Variants in FOXP2 observed in about 807,000 individuals in gnomAD.
The protein encoded by FOXP2 is forkhead box protein P2.
A neutral mutation model predicts 115.8 loss-of-function variants in FOXP2; 12 were observed. The observed-to-expected ratio is 0.10, with a 90% CI of 0.07 to 0.17. FOXP2 has a LOEUF of 0.17. FOXP2 is among the 10% of genes least tolerant of loss of function. The pLI is 1.00. For missense variants in FOXP2, 629 were observed against 843.5 expected (o/e 0.75, Z 3.15); for synonymous variants, 328 against 297.7 (o/e 1.10, Z -1.05).
At chr7:114,607,877 A>G (rs1011047610) in intron 3 of FOXP2, among the ~76,000 whole-genome samples, 2 of 152,192 alleles carry the variant, frequency 1.3e-5, no homozygotes, top group African/African-American at 2.4e-5. Context: ...GAAGGAGATT[A>G]TATCTTAATA....
intron 1 of FOXP2, among the ~76,000 whole-genome samples, chr7:114,207,346 T>C (rs1394360445): frequency 6.6e-6 from 1 of 152,236 alleles, no homozygotes; most frequent in Non-Finnish European, 1.5e-5. Flanking sequence ...GTGTAACATT[T>C]TGAGAAATGG....
At chr7:114,311,571 T>G (rs374360613) in intron 2 of FOXP2, among the ~76,000 whole-genome samples, 1 of 152,142 alleles carries the variant, frequency 6.6e-6, no homozygotes, top group East Asian at 1.9e-4. Context: ...TTAGTTATAT[T>G]CTGGTGCGTT....
chr7:114,134,351 T>C (rs1257403422), intron 1 of FOXP2, among the ~76,000 whole-genome samples: 1 of 152,164 alleles, frequency 6.6e-6, no homozygotes, highest in African/African-American at 2.4e-5. Flanking sequence ...CTGTTCTTAC[T>C]GAATTTTCAT....
intron 10 of FOXP2, among the ~76,000 whole-genome samples, chr7:114,657,805 C>G (rs1292386930): frequency 6.6e-6 from 1 of 152,150 alleles, no homozygotes; most frequent in Non-Finnish European, 1.5e-5. Context: ...AATAGACTTT[C>G]GCTGAAGTCT....
intron 16 of FOXP2, among the ~76,000 whole-genome samples, chr7:114,679,110 A>C (rs1585021737): frequency 6.6e-6 from 1 of 152,046 alleles, no homozygotes; most frequent in African/African-American, 2.4e-5. Flanking sequence ...GATCATAGGC[A>C]CCCGCCACCA....
At chr7:114,526,531 C>T (rs1262520977) in intron 2 of FOXP2, among the ~76,000 whole-genome samples, 1 of 151,014 alleles carries the variant, frequency 6.6e-6, no homozygotes, top group Admixed American at 6.6e-5. Flanking sequence ...AACTGTAACT[C>T]TCTTTTATTT....
chr7:114,376,756 A>G (rs1280169393), intron 2 of FOXP2, among the ~76,000 whole-genome samples: 1 of 152,212 alleles, frequency 6.6e-6, no homozygotes, highest in Non-Finnish European at 1.5e-5. Flanking sequence ...GGAGTTAGAG[A>G]TAACCTATTG....
At chr7:114,308,525 C>T (rs1418185773) in intron 2 of FOXP2, among the ~76,000 whole-genome samples, 3 of 152,040 alleles carry the variant, frequency 2.0e-5, no homozygotes, top group African/African-American at 7.2e-5. Flanking sequence ...GGCGATAAAC[C>T]CTTTTAAGGG....
At chr7:114,620,618 A>G (rs1183095314) in intron 3 of FOXP2, among the ~76,000 whole-genome samples, 1 of 152,106 alleles carries the variant, frequency 6.6e-6, no homozygotes, top group Non-Finnish European at 1.5e-5. Context: ...TCTTATGGAA[A>G]GTCAGTTATT....
intron 2 of FOXP2, among the ~76,000 whole-genome samples, chr7:114,509,275 T>C (rs1052906297): frequency 2.6e-5 from 4 of 151,120 alleles, no homozygotes; most frequent in African/African-American, 9.8e-5. Flanking sequence ...TTTTTGTTTG[T>C]TTGTTTTTTG....
intron 1 of FOXP2, among the ~76,000 whole-genome samples, chr7:114,135,738 T>C (rs1792020346): frequency 6.6e-6 from 1 of 152,106 alleles, no homozygotes; most frequent in Admixed American, 6.5e-5. Flanking sequence ...GTTTCTGATT[T>C]TGAAAAATTT....
At chr7:114,614,840 G>A (rs896740726) in intron 3 of FOXP2, among the ~76,000 whole-genome samples, 5 of 152,126 alleles carry the variant, frequency 3.3e-5, no homozygotes, top group African/African-American at 1.2e-4. Context: ...AAAGGACTTT[G>A]TGTTTTTCCC....
chr7:114,442,150 T>C (rs1794631433), intron 2 of FOXP2, among the ~76,000 whole-genome samples: 1 of 152,116 alleles, frequency 6.6e-6, no homozygotes, highest in South Asian at 2.1e-4. Flanking sequence ...TATTCAGGAA[T>C]AAAAAGGAAT....
At chr7:114,337,042 A>C (rs1226005732) in intron 2 of FOXP2, among the ~76,000 whole-genome samples, 1 of 151,572 alleles carries the variant, frequency 6.6e-6, no homozygotes, top group East Asian at 1.9e-4. Context: ...GGCTGCAGTT[A>C]ATTTAGATCC....
chr7:114,135,934 C>T (rs1048712890), intron 1 of FOXP2, among the ~76,000 whole-genome samples: 2 of 151,982 alleles, frequency 1.3e-5, no homozygotes, highest in African/African-American at 2.4e-5. Flanking sequence ...AAATGTTATA[C>T]GTAATTATGT....
intron 3 of FOXP2, among the ~76,000 whole-genome samples, chr7:114,589,953 CAG>C (rs1357485181): frequency 1.3e-5 from 2 of 151,924 alleles, no homozygotes; most frequent in Non-Finnish European, 2.9e-5. Context: ...GTTTTAAAAA[CAG>C]AGAGAAGGGA....
At chr7:114,174,230 C>A (rs1484896069) in intron 1 of FOXP2, among the ~76,000 whole-genome samples, 2 of 151,502 alleles carry the variant, frequency 1.3e-5, no homozygotes, top group East Asian at 1.9e-4. Context: ...CTGTTGTCTT[C>A]TCTCTCTCTC....
intron 1 of FOXP2, among the ~76,000 whole-genome samples, chr7:114,225,894 C>CT (rs1794734500): frequency 6.6e-6 from 1 of 152,140 alleles, no homozygotes; most frequent in Admixed American, 6.5e-5. Flanking sequence ...TACCAAAAAA[C>CT]TTTACAAAAC....
chr7:114,648,210 T>G (rs1268443721), intron 8 of FOXP2, among the ~76,000 whole-genome samples: 1 of 152,104 alleles, frequency 6.6e-6, no homozygotes, highest in African/African-American at 2.4e-5. Flanking sequence ...TACAAAATTA[T>G]GACCTCAAGA....
Sources: allele counts gnomAD v4.1 joint callset (sites outside exome capture counted in the v4.1 genomes callset), GRCh38; gene constraint gnomAD v4.1.1; transcripts MANE v1.5; gene names NCBI Gene and HGNC (gene_info 2026-07-23, HGNC 2026-07-21).